The following RAVER2 variants were observed in gnomAD, a reference collection of about 807,000 sequenced individuals.
RAVER2 encodes ribonucleoprotein PTB-binding 2.
A neutral mutation model predicts 78.1 loss-of-function variants in RAVER2; 46 were observed. That is an observed-to-expected ratio of 0.59 (90% CI 0.46 to 0.75). The LOEUF is 0.75. RAVER2 is among the 30% of genes least tolerant of loss of function. The probability of loss-of-function intolerance (pLI) is 0.00; values close to 1 mark genes in which losing one functional copy is unlikely to be tolerated. For missense variants in RAVER2, 793 were observed against 837.5 expected, an observed-to-expected ratio of 0.95 and a Z score of 0.66; for synonymous variants, 311 against 313.3, an observed-to-expected ratio of 0.99 and a Z score of 0.08.
intron 2 of RAVER2, among the ~76,000 whole-genome samples, chr1:64,771,392 C>A (rs944055472): frequency 2.0e-5 from 3 of 151,890 alleles, no homozygotes; most frequent in African/African-American, 7.2e-5. Context: ...AGAATCATCA[C>A]CATTAGACTT....
intron 11 of RAVER2, among the ~76,000 whole-genome samples, chr1:64,825,234 ATTAAT>A (rs1355323081): frequency 6.6e-6 from 1 of 152,200 alleles, no homozygotes; most frequent in Admixed American, 6.5e-5. Flanking sequence ...TAATGATAAA[ATTAAT>A]TCATGTTTCT....
intron 1 of RAVER2, among the ~76,000 whole-genome samples, chr1:64,751,600 C>T (rs1209189731): frequency 1.3e-5 from 2 of 151,966 alleles, no homozygotes; most frequent in Admixed American, 6.6e-5. Flanking sequence ...TTTTTAGATA[C>T]GGGATGTTGC....
Position 64,745,179 on chromosome 1 carries a change from G to A in RAVER2, c.7G>A (p.Ala3Thr), listed in dbSNP as rs1651486276. The A allele has an allele frequency of 1.3e-5, 13 of 1,018,456 alleles. No individual in the cohort carries two copies. The South Asian group carries it at 5.3e-4, about 42-fold the overall frequency. The allele number at this position is 1,018,456 out of a possible 1,614,324, so 63.1% of individuals were successfully genotyped here. A position where few individuals can be genotyped will look rare whatever the true frequency, so the allele number is the denominator to read the frequency against. The change falls in exon 1 of 12, where the codon GCG (alanine) becomes ACG (threonine). Residue 3 changes from alanine (A) to threonine (T), a missense_variant. Physicochemically the swap from Ala to Thr is moderately conservative, Grantham distance 58 (BLOSUM62 0). Transcript: ENST00000294428. This position sits in a 1 kb window ranked among gnomAD's most constrained non-coding sequence, Gnocchi z 4.3. ...CCGCTGGGCGCCCGGGAAGATGGCG[G>A]CGGCGGCGGGAGACGGCGGCGGCGA...
intron 6 of RAVER2, 118 bp downstream of exon 6, chr1:64,803,179 T>G: frequency 1.4e-6 from 1 of 735,366 alleles, no homozygotes; most frequent in Non-Finnish European, 2.2e-6. Context: ...AAGAAAATCT[T>G]TAATAATAAG....
At chr1:64,802,077 C>T (rs563152870) in intron 5 of RAVER2, among the ~76,000 whole-genome samples, 4 of 152,222 alleles carry the variant, frequency 2.6e-5, no homozygotes, top group Admixed American at 6.5e-5. Flanking sequence ...AACTTTCACA[C>T]GTTGCCGTGG....
chr1:64,777,768 A>G (rs1177145289), exon 3 of RAVER2: 2 of 1,614,136 alleles, frequency 1.2e-6, no homozygotes, highest in Non-Finnish European at 1.7e-6. Context: ...TTTCTTTTAC[A>G]TCAGAAGAGT....
intron 1 of RAVER2, 101 bp from the exon 2 acceptor site, chr1:64,768,555 A>G: frequency 1.4e-6 from 1 of 740,024 alleles, no homozygotes; most frequent in Non-Finnish European, 2.4e-6. Context: ...TACATGGGAC[A>G]TGGTGGTGGT....
intron 4 of RAVER2, among the ~76,000 whole-genome samples, chr1:64,783,615 G>T (rs980876160): frequency 6.6e-6 from 1 of 152,074 alleles, no homozygotes; most frequent in African/African-American, 2.4e-5. Flanking sequence ...ATTTGTTTAA[G>T]TTCTTTGTAG....
intron 6 of RAVER2, among the ~76,000 whole-genome samples, chr1:64,803,475 G>A (rs554280747): frequency 6.6e-6 from 1 of 152,102 alleles, no homozygotes; most frequent in Admixed American, 6.5e-5. Context: ...TGAGAATAGA[G>A]TATGTTTCCT....
At chr1:64,762,439 G>T in intron 1 of RAVER2, among the ~76,000 whole-genome samples, 1 of 149,680 alleles carries the variant, frequency 6.7e-6, no homozygotes, top group South Asian at 2.1e-4. Flanking sequence ...AGAAATGCAA[G>T]TGACCTGGAA....
At chr1:64,773,515 C>CT (rs1391267764) in intron 2 of RAVER2, among the ~76,000 whole-genome samples, 1 of 152,184 alleles carries the variant, frequency 6.6e-6, no homozygotes, top group East Asian at 1.9e-4. Context: ...TGAACTCATC[C>CT]TTTTTTATGG....
At chr1:64,826,777 A>T (rs1427753454) in intron 11 of RAVER2, among the ~76,000 whole-genome samples, 2 of 152,180 alleles carry the variant, frequency 1.3e-5, no homozygotes, top group Non-Finnish European at 2.9e-5. Context: ...CAATCCAAGT[A>T]AAAATGCTGA....
In RAVER2 at chr1:64,807,343, A is replaced by G. The variant is rs200189118; in HGVS notation, c.1549A>G (p.Met517Val). Residue 517 changes from methionine (M) to valine (V), a missense_variant, in exon 9 of 12, where the codon ATG (methionine) becomes GTG (valine). Physicochemically the swap from Met to Val is conservative, Grantham distance 21. Coordinates refer to ENST00000294428, the Ensembl canonical transcript of RAVER2. ...GGAGAAACAGCCAGCCACGGTGGGAATGGCAGAAGGAAATTTCTCAGGGTC... is the reference window on the plus strand; with the variant it reads ...GGAGAAACAGCCAGCCACGGTGGGAGTGGCAGAAGGAAATTTCTCAGGGTC... The G allele has an allele frequency of 1.5e-3, 2,477 of 1,614,128 alleles. 3 individuals are homozygous for G. Among genetic ancestry groups the G allele is most frequent in the Non-Finnish European group, 2.0e-3 (2,328 of 1,180,004 alleles).
intron 11 of RAVER2, among the ~76,000 whole-genome samples, chr1:64,829,173 A>G (rs1445939960): frequency 6.6e-6 from 1 of 152,246 alleles, no homozygotes; most frequent in Non-Finnish European, 1.5e-5. Context: ...AAGATGGTAT[A>G]GAAAGACAGA....
At chr1:64,807,611 G>A (rs1653481163) in intron 9 of RAVER2, 137 bp downstream of exon 9, 3 of 981,784 alleles carry the variant, frequency 3.1e-6, no homozygotes, top group East Asian at 5.4e-5. Context: ...CAAAATTGAA[G>A]AAAACATTGC....
exon 4 of RAVER2, chr1:64,781,522 G>T: frequency 1.9e-6 from 3 of 1,614,140 alleles, no homozygotes; most frequent in Non-Finnish European, 2.5e-6. Context: ...TGTGCTCCTG[G>T]AGCGCCAGGG....
chr1:64,814,832 T>C, exon 11 of RAVER2: 1 of 1,569,230 alleles, frequency 6.4e-7, no homozygotes, highest in Admixed American at 1.8e-5. Flanking sequence ...TTTTGGTGAT[T>C]ATGCACAGGT....
intron 2 of RAVER2, among the ~76,000 whole-genome samples, chr1:64,772,866 T>C (rs919170714): frequency 3.9e-5 from 6 of 152,330 alleles, no homozygotes; most frequent in East Asian, 1.9e-4. Context: ...GCAGGCATTG[T>C]AGAGCATGAT....
chr1:64,829,016 G>A (rs1200210694), intron 11 of RAVER2, among the ~76,000 whole-genome samples: 1 of 152,128 alleles, frequency 6.6e-6, no homozygotes, highest in African/African-American at 2.4e-5. Flanking sequence ...TTCATTTCCT[G>A]TTCTAATATT....
Sources: allele counts gnomAD v4.1 joint callset (sites outside exome capture counted in the v4.1 genomes callset), GRCh38; gene constraint gnomAD v4.1.1; non-coding constraint Gnocchi (gnomAD v3.1); transcripts MANE v1.5; gene names NCBI Gene and HGNC (gene_info 2026-07-23, HGNC 2026-07-21).